GNA11: variants seen among roughly 807,000 people sequenced by gnomAD.
The protein encoded by GNA11 is guanine nucleotide-binding protein subunit alpha-11.
Under a neutral mutation model 38.2 loss-of-function variants are expected in GNA11, and 8 were observed. The ratio of observed to expected loss-of-function variants is 0.21; its 90% CI spans 0.12 to 0.38. The LOEUF is 0.38. Ranked by LOEUF, GNA11 falls within the 10% of genes least tolerant of loss-of-function variation. GNA11 has a pLI of 1.00. For missense variants in GNA11, 268 were observed against 516.3 expected (o/e 0.52, Z 4.66); for synonymous variants, 211 against 221.4 (o/e 0.95, Z 0.42).
chr19:3,100,358 G>A (rs1022137568), intron 1 of GNA11, among the ~76,000 whole-genome samples: 2 of 152,210 alleles, frequency 1.3e-5, no homozygotes, highest in Non-Finnish European at 2.9e-5. Flanking sequence ...CCCCTGACCC[G>A]TGTGTCTTAG....
Position 3,113,354 on chromosome 19 carries a change from G to A in GNA11, c.346G>A (p.Val116Met), listed in dbSNP as rs1913825787. 4.3e-6 allele frequency: 7 copies of A among 1,613,482 alleles called. No individual in the cohort carries two copies. Among genetic ancestry groups the A allele is most frequent in the East Asian group, 2.2e-5 (1 of 44,866 alleles). Residue 116 changes from valine (V) to methionine (M), a missense_variant, in exon 3 of 7, where the codon GTG (valine) becomes ATG (methionine). Physicochemically the swap from Val to Met is conservative, Grantham distance 21 (BLOSUM62 1). Transcript: ENST00000078429. ...GGCCAATGCGCTCCTGATCCGGGAG[G>A]TGGACGTGGAGAAGGTGACCACCTT... ...NKANALLIRE[V>M]DVEKVTTFEH...
Position 3,108,103 on chromosome 19 carries a change from C to T in GNA11, c.137-2046C>T, listed in dbSNP as rs1432254551. Among the ~76,000 whole-genome samples the T allele has an allele frequency of 1.3e-5, 2 of 152,210 alleles. No individual in the cohort carries two copies. The highest frequency in any genetic ancestry group is 4.8e-5 in the African/African-American group (2 of 41,456). On this transcript the variant is annotated intron_variant, in intron 1 of 6. Transcript: ENST00000078429. The surrounding 1 kb of genome is among the most constrained non-coding windows in gnomAD (Gnocchi z 4.5). Reference sequence around the variant, plus strand: ...AGAGGCAGCTGCCACCGGGGCTCCCCACTCGGGATGTGTTGGGTGTTTTGC... The same window carrying T: ...AGAGGCAGCTGCCACCGGGGCTCCCTACTCGGGATGTGTTGGGTGTTTTGC...
In GNA11 at chr19:3,123,257, C is replaced by T. The variant is rs1473171091; in HGVS notation, c.*2078C>T. On this transcript the variant is annotated 3_prime_UTR_variant, in exon 7 of 7. Transcript: ENST00000078429. ...GGCGCTGCGGGGCTAAGTATTAGGC[C>T]TTCCCAGGGAGGGGGCGTGCCAAGC... The T allele has an allele frequency of 8.6e-6, 2 of 233,250 alleles. No individual in the cohort carries two copies. The highest frequency in any genetic ancestry group is 1.7e-5 in the Non-Finnish European group (2 of 118,130). The allele number at this position is 233,250 out of a possible 1,614,324, so 14.4% of individuals were successfully genotyped here.
At chr19:3,102,818 C>G (rs565850332) in intron 1 of GNA11, among the ~76,000 whole-genome samples, 17 of 152,386 alleles carry the variant, frequency 1.1e-4, no homozygotes, top group African/African-American at 4.1e-4. Flanking sequence ...CCCACACCCA[C>G]CAGTACAGCT....
intron 3 of GNA11, among the ~76,000 whole-genome samples, chr19:3,114,287 C>T (rs3786946): frequency 0.077 from 11,642 of 152,164 alleles, 881 homozygotes; most frequent in Admixed American, 0.19. Flanking sequence ...GCAGACCACT[C>T]GAGGGGCGCC....
At chr19:3,095,264 C>G (rs538654493) in intron 1 of GNA11, among the ~76,000 whole-genome samples, 231 of 152,304 alleles carry the variant, frequency 1.5e-3, no homozygotes, top group Middle Eastern at 3.4e-3. Context: ...CTTCTGCTGT[C>G]TACATTGGGC....
intron 1 of GNA11, among the ~76,000 whole-genome samples, chr19:3,096,785 A>G (rs1913380829): frequency 6.6e-6 from 1 of 151,190 alleles, no homozygotes; most frequent in Non-Finnish European, 1.5e-5. Context: ...GCTCAGGGCC[A>G]GGCGTGGCAG....
rs1274962284 is a variant in GNA11 at position 3,114,925 on chromosome 19, A to G, written c.477-19A>G. The stretch of plus-strand genomic sequence containing the variant: ...CCCACCCCCGGCAGCCGGCCTGAGC[A>G]CCCACCGCTGTGTTGCAGCTACCTG... On this transcript the variant is annotated intron_variant, in intron 3 of 6. Transcript: ENST00000078429. 2 of 1,587,430 alleles carry G rather than the reference A, an allele frequency of 1.3e-6. No homozygotes were observed. Among genetic ancestry groups the G allele is most frequent in the African/African-American group, 1.4e-5 (1 of 72,612 alleles).
chr19:3,110,352 G>A lies in GNA11; in HGVS notation c.321+19G>A, dbSNP rs775099798. ...GAACAAGGTGAGCCCGCGGGCGCCTGGGGAGGGGAGCGCCTGGGCAGCTGT... is the reference window on the plus strand; with the variant it reads ...GAACAAGGTGAGCCCGCGGGCGCCTAGGGAGGGGAGCGCCTGGGCAGCTGT... On this transcript the variant is annotated intron_variant, in intron 2 of 6. Coordinates refer to ENST00000078429, the MANE Select transcript of GNA11 (RefSeq NM_002067.5). This position sits in a 1 kb window ranked among gnomAD's most constrained non-coding sequence, Gnocchi z 5.4. The A allele has an allele frequency of 5.7e-6, 9 of 1,588,630 alleles. No homozygotes were observed. Among genetic ancestry groups the A allele is most frequent in the African/African-American group, 1.4e-5 (1 of 73,058 alleles).
chr19:3,119,179 G>C lies in GNA11; in HGVS notation c.736-27G>C, dbSNP rs753595497. ...TGTGTGCAGTGGGGAGGGCCCCTCT[G>C]ATTCCCTCTGCCTTCGCTCCCGCCA... is the stretch of plus-strand genomic sequence containing the variant. On this transcript the variant is annotated intron_variant, in intron 5 of 6. Transcript: ENST00000078429. This position sits in a 1 kb window ranked among gnomAD's most constrained non-coding sequence, Gnocchi z 4.6. The C allele has an allele frequency of 1.4e-5, 23 of 1,611,484 alleles. No individual in the cohort carries two copies. In the South Asian group the frequency reaches 2.2e-4, roughly 15 times the overall value.
chr19:3,102,311 C>G (rs1263383495), intron 1 of GNA11, among the ~76,000 whole-genome samples: 3 of 152,154 alleles, frequency 2.0e-5, no homozygotes, highest in African/African-American at 7.2e-5. Context: ...GGGGACTCTG[C>G]TGCTGTGGAG....
At chr19:3,107,469 C>T (rs998985445) in intron 1 of GNA11, among the ~76,000 whole-genome samples, 6 of 152,322 alleles carry the variant, frequency 3.9e-5, no homozygotes, top group South Asian at 2.1e-4. Context: ...GGGCCCTCCT[C>T]GCCTCCTGCC....
At chr19:3,100,810 C>T (rs1379114797) in intron 1 of GNA11, among the ~76,000 whole-genome samples, 1 of 152,224 alleles carries the variant, frequency 6.6e-6, no homozygotes, top group African/African-American at 2.4e-5. Flanking sequence ...CGTGGGAAGG[C>T]TGTCCCTCCC....
intron 1 of GNA11, among the ~76,000 whole-genome samples, chr19:3,104,858 G>A (rs1419704648): frequency 6.6e-6 from 1 of 152,206 alleles, no homozygotes; most frequent in African/African-American, 2.4e-5. Flanking sequence ...TGAACGCCGG[G>A]CTCTTGGATT....
At chr19:3,115,927 G>A in intron 4 of GNA11, among the ~76,000 whole-genome samples, 1 of 137,434 alleles carries the variant, frequency 7.3e-6, no homozygotes, top group African/African-American at 3.2e-5. Context: ...GGGTCATGGG[G>A]ACCGAGGCTG....
chr19:3,113,085 C>A (rs552868199), intron 2 of GNA11, among the ~76,000 whole-genome samples: 3 of 152,366 alleles, frequency 2.0e-5, no homozygotes, highest in Non-Finnish European at 2.9e-5. Flanking sequence ...CCGGCCTCCC[C>A]GGCACCCTGC....
intron 1 of GNA11, among the ~76,000 whole-genome samples, chr19:3,106,465 G>A (rs1470171316): frequency 6.6e-6 from 1 of 152,230 alleles, no homozygotes; most frequent in Admixed American, 6.5e-5. Flanking sequence ...CTGTACGGCA[G>A]GGCTTAACAG....
rs1914107687 is a variant in GNA11, at chr19:3,122,510, T to C, written c.*1331T>C. ...CGCCTCCCGGGGCCCCTTGAGGCAC[T>C]GAGGCACCGAGACTGGTTCTCCCCG... On this transcript the variant is annotated 3_prime_UTR_variant, in exon 7 of 7. Transcript: ENST00000078429. The surrounding 1 kb of genome is among the most constrained non-coding windows in gnomAD (Gnocchi z 7.7). The C allele has an allele frequency of 1.3e-5, 3 of 231,992 alleles. No individual in the cohort carries two copies. The South Asian group carries it at 5.4e-4, about 42-fold the overall frequency. The allele number at this position is 231,992 out of a possible 1,614,324, so 14.4% of individuals were successfully genotyped here.
chr19:3,111,342 C>T (rs10404790), intron 2 of GNA11, among the ~76,000 whole-genome samples: 8,020 of 152,230 alleles, frequency 0.053, 469 homozygotes, highest in African/African-American at 0.15. Context: ...CCTCCAGCCC[C>T]GGCACCCACA....
Sources: allele counts gnomAD v4.1 joint callset (sites outside exome capture counted in the v4.1 genomes callset), GRCh38; gene constraint gnomAD v4.1.1; non-coding constraint Gnocchi (gnomAD v3.1); transcripts MANE v1.5; gene names NCBI Gene and HGNC (gene_info 2026-07-23, HGNC 2026-07-21).